Variants in CSGALNACT1 observed in about 807,000 individuals in gnomAD.
CSGALNACT1 encodes the protein beta4GalNAcT-1.
CSGALNACT1 carries 52 observed loss-of-function variants against 51.0 expected under a neutral mutation model. The observed-to-expected ratio is 1.02, with a 90% CI of 0.82 to 1.29. CSGALNACT1 has a LOEUF of 1.29. CSGALNACT1 is among the 50% of genes most tolerant of loss of function. CSGALNACT1 has a pLI of 0.00. For synonymous variants in CSGALNACT1, 341 were observed against 254.4 expected (o/e 1.34, Z -3.24); for missense variants, 935 against 679.2 (o/e 1.38, Z -4.19).
intron 2 of CSGALNACT1, among the ~76,000 whole-genome samples, chr8:19,599,520 G>GAAAGAAAGAAAGA (rs1554751495): frequency 1.2e-3 from 148 of 127,204 alleles, no homozygotes; most frequent in African/African-American, 4.0e-3. Flanking sequence ...AAGAAAGAAA[G>GAAAGAAAGAAAGA]AAAGAAAAGA....
intron 1 of CSGALNACT1, among the ~76,000 whole-genome samples, chr8:19,738,957 A>C (rs776776820): frequency 2.4e-4 from 37 of 152,154 alleles, no homozygotes; most frequent in Non-Finnish European, 5.4e-4. Flanking sequence ...AATCAAATGC[A>C]ATGTGAGGCC....
chr8:19,514,364 C>T (rs1587638941), intron 3 of CSGALNACT1, among the ~76,000 whole-genome samples: 2 of 151,472 alleles, frequency 1.3e-5, no homozygotes, highest in African/African-American at 4.9e-5. Context: ...GTGGCCCTAG[C>T]AGTTTTGCTG....
chr8:19,522,078 A>G (rs1461959834), intron 3 of CSGALNACT1, among the ~76,000 whole-genome samples: 1 of 152,272 alleles, frequency 6.6e-6, no homozygotes, highest in Admixed American at 6.5e-5. Context: ...TTTGTCTCCC[A>G]GACCTGAGGA....
intron 1 of CSGALNACT1, among the ~76,000 whole-genome samples, chr8:19,741,446 C>G (rs2064306934): frequency 6.6e-6 from 1 of 151,726 alleles, no homozygotes; most frequent in African/African-American, 2.4e-5. Flanking sequence ...ACCTGTAATT[C>G]CAGCTACTCT....
chr8:19,601,665 C>G (rs1257004418), intron 2 of CSGALNACT1, 106 bp downstream of exon 2: 1 of 339,276 alleles, frequency 2.9e-6, no homozygotes, highest in Non-Finnish European at 5.8e-6. Context: ...ACTAATCAAG[C>G]TATTGACAGT....
At chr8:19,419,441 T>TA (rs761930415) in intron 7 of CSGALNACT1, among the ~76,000 whole-genome samples, 4 of 152,188 alleles carry the variant, frequency 2.6e-5, no homozygotes, top group Non-Finnish European at 5.9e-5. Context: ...GGACTAGACT[T>TA]AGAGTGTCCA....
intron 1 of CSGALNACT1, among the ~76,000 whole-genome samples, chr8:19,675,215 T>A (rs1362927130): frequency 1.3e-5 from 2 of 152,146 alleles, no homozygotes; most frequent in Non-Finnish European, 2.9e-5. Flanking sequence ...AAACAGCAAC[T>A]ACCTGAGAAC....
At chr8:19,519,176 C>A (rs997821583) in intron 3 of CSGALNACT1, among the ~76,000 whole-genome samples, 4 of 152,174 alleles carry the variant, frequency 2.6e-5, no homozygotes, top group African/African-American at 9.7e-5. Context: ...ACCTAGTCCT[C>A]TCGGGCAGCC....
intron 3 of CSGALNACT1, among the ~76,000 whole-genome samples, chr8:19,509,490 G>T (rs778817970): frequency 2.0e-5 from 3 of 151,790 alleles, no homozygotes; most frequent in African/African-American, 7.3e-5. Context: ...ATCGTGGTGC[G>T]TGCAGCCTGT....
At chr8:19,489,439 C>G (rs1038902735) in intron 4 of CSGALNACT1, among the ~76,000 whole-genome samples, 12 of 152,314 alleles carry the variant, frequency 7.9e-5, no homozygotes, top group Non-Finnish European at 1.8e-4. Flanking sequence ...TTCCTCTGGT[C>G]TCAAAGGAAG....
chr8:19,569,516 G>GAA (rs34307406), intron 3 of CSGALNACT1, among the ~76,000 whole-genome samples: 93 of 148,246 alleles, frequency 6.3e-4, no homozygotes, highest in African/African-American at 2.2e-3. Flanking sequence ...TTCTGGAGAT[G>GAA]AAAAAAAAAA....
intron 4 of CSGALNACT1, among the ~76,000 whole-genome samples, chr8:19,468,535 G>A (rs1012747543): frequency 6.6e-6 from 1 of 152,130 alleles, no homozygotes; most frequent in Admixed American, 6.6e-5. Context: ...GGGCGCAGGT[G>A]GATGATGGCA....
At chr8:19,478,625 T>C (rs1236435958) in intron 4 of CSGALNACT1, among the ~76,000 whole-genome samples, 2 of 152,104 alleles carry the variant, frequency 1.3e-5, no homozygotes, top group African/African-American at 4.8e-5. Flanking sequence ...CAGGCAGTCA[T>C]GGGACACTGG....
chr8:19,645,014 T>A (rs572705967), intron 1 of CSGALNACT1, among the ~76,000 whole-genome samples: 1 of 152,244 alleles, frequency 6.6e-6, no homozygotes, highest in South Asian at 2.1e-4. Context: ...TTGATAAAAA[T>A]GAAAGGATCT....
intron 3 of CSGALNACT1, among the ~76,000 whole-genome samples, chr8:19,570,297 A>C (rs1588486729): frequency 6.6e-6 from 1 of 152,164 alleles, no homozygotes; most frequent in Admixed American, 6.5e-5. Context: ...TAATTATGGG[A>C]AGCCAATTTT....
chr8:19,513,455 T>TATATATATATATAC (rs1554650251), intron 3 of CSGALNACT1, among the ~76,000 whole-genome samples: 7 of 141,852 alleles, frequency 4.9e-5, no homozygotes, highest in African/African-American at 1.6e-4. Context: ...TATATATATA[T>TATATATATATATAC]ATATATATTT....
At chr8:19,601,098 G>C (rs917037133) in intron 2 of CSGALNACT1, among the ~76,000 whole-genome samples, 3 of 151,956 alleles carry the variant, frequency 2.0e-5, no homozygotes, top group African/African-American at 7.3e-5. Context: ...TTTAAGTTTA[G>C]TCTTATCAGA....
intron 1 of CSGALNACT1, among the ~76,000 whole-genome samples, chr8:19,633,897 TGG>T (rs1312595836): frequency 6.6e-6 from 1 of 152,172 alleles, no homozygotes. Flanking sequence ...CTTCTGAGAC[TGG>T]GGCCCAACCT....
At chr8:19,672,433 G>A (rs1037778528) in intron 1 of CSGALNACT1, among the ~76,000 whole-genome samples, 7 of 152,270 alleles carry the variant, frequency 4.6e-5, no homozygotes, top group Admixed American at 1.3e-4. Flanking sequence ...ACCTTTCACC[G>A]TAAGGAGTGA....
Sources: gnomAD v4.1 joint callset for allele counts (sites outside exome capture counted in the v4.1 genomes callset) on GRCh38, gnomAD v4.1.1 for gene constraint, MANE v1.5 for transcripts, NCBI Gene and HGNC (gene_info 2026-07-23, HGNC 2026-07-21) for gene names.